JARID2: variants seen among roughly 807,000 people sequenced by gnomAD.
JARID2 encodes jumonji and AT-rich interaction domain containing 2, also known as protein Jumonji.
Under a neutral mutation model 125.6 loss-of-function variants are expected in JARID2, and 21 were observed. The observed-to-expected ratio is 0.17, with a 90% CI of 0.12 to 0.24. The LOEUF (loss-of-function observed/expected upper bound fraction) is 0.24, where lower values mean the gene tolerates loss of function less well. Among genes scored for constraint, JARID2 ranks in the 10% least tolerant of loss-of-function variants. The probability of loss-of-function intolerance (pLI) is 1.00; values close to 1 mark genes in which losing one functional copy is unlikely to be tolerated. For missense variants in JARID2, 1,303 were observed against 1,639.6 expected (o/e 0.79, Z 3.55); for synonymous variants, 736 against 661.6 (o/e 1.11, Z -1.73).
intron 2 of JARID2, among the ~76,000 whole-genome samples, chr6:15,387,009 C>T (rs963586037): frequency 3.3e-5 from 5 of 152,230 alleles, no homozygotes; most frequent in African/African-American, 1.2e-4. Flanking sequence ...GCACATTAGC[C>T]ACCACTGTTT....
chr6:15,488,678 C>G lies in JARID2; in HGVS notation c.906+1136C>G, dbSNP rs144894627. Among the ~76,000 whole-genome samples the G allele has an allele frequency of 2.7e-3, 417 of 152,258 alleles. 2 individuals carry two copies. The highest frequency in any genetic ancestry group is 9.7e-3 in the African/African-American group (401 of 41,536). ...TTTCTCTCTGAACGTGAACATGTGA[C>G]TATAGTCACACATAGGCAGACAGGT... On this transcript the variant is annotated intron_variant, in intron 6 of 17. Coordinates refer to ENST00000341776, the MANE Select transcript of JARID2 (RefSeq NM_004973.4).
intron 4 of JARID2, among the ~76,000 whole-genome samples, chr6:15,459,449 A>G (rs112035134): frequency 2.1e-5 from 3 of 144,152 alleles, no homozygotes; most frequent in African/African-American, 7.3e-5. Context: ...GTATGTGTTC[A>G]GTAGAGATGC....
intron 1 of JARID2, among the ~76,000 whole-genome samples, chr6:15,335,307 C>T (rs1262613489): frequency 6.6e-6 from 1 of 151,910 alleles, no homozygotes; most frequent in Non-Finnish European, 1.5e-5. Flanking sequence ...ACCGTGTTGG[C>T]CAGGCTGGTC....
chr6:15,370,791 G>T (rs1764139255), intron 1 of JARID2, among the ~76,000 whole-genome samples: 2 of 152,162 alleles, frequency 1.3e-5, no homozygotes, highest in South Asian at 4.1e-4. Flanking sequence ...GCACACCTTT[G>T]CTGTCTGCAT....
intron 3 of JARID2, among the ~76,000 whole-genome samples, chr6:15,418,216 CTTTTTTTT>C (rs56801667): frequency 1.7e-5 from 2 of 117,798 alleles, no homozygotes; most frequent in African/African-American, 3.3e-5. Context: ...CTATATTCCT[CTTTTTTTT>C]TTTTTTTTTT....
chr6:15,428,781 G>A (rs542128680), intron 3 of JARID2, among the ~76,000 whole-genome samples: 9 of 151,906 alleles, frequency 5.9e-5, no homozygotes, highest in African/African-American at 9.7e-5. Flanking sequence ...TGGCACACAC[G>A]TGTAATCCCA....
chr6:15,362,091 T>TG (rs1195881561), intron 1 of JARID2, among the ~76,000 whole-genome samples: 3 of 151,950 alleles, frequency 2.0e-5, no homozygotes, highest in Non-Finnish European at 2.9e-5. Flanking sequence ...TCCGCCATGT[T>TG]GGTCAGGCTG....
intron 9 of JARID2, among the ~76,000 whole-genome samples, chr6:15,505,632 C>T (rs1371157070): frequency 6.6e-6 from 1 of 152,242 alleles, no homozygotes; most frequent in Non-Finnish European, 1.5e-5. Context: ...CCTTTCACGC[C>T]ATTTTCATCG....
At chr6:15,393,730 G>A (rs1157287360) in intron 2 of JARID2, among the ~76,000 whole-genome samples, 2 of 152,176 alleles carry the variant, frequency 1.3e-5, no homozygotes, top group Non-Finnish European at 2.9e-5. Flanking sequence ...GTGATTACTG[G>A]TATATTGGGA....
At chr6:15,333,179 G>A (rs1412993572) in intron 1 of JARID2, among the ~76,000 whole-genome samples, 1 of 151,906 alleles carries the variant, frequency 6.6e-6, no homozygotes, top group Admixed American at 6.6e-5. Flanking sequence ...TGATCCACCC[G>A]CCTCGGCCTC....
intron 1 of JARID2, among the ~76,000 whole-genome samples, chr6:15,289,782 G>C (rs539693699): frequency 1.3e-5 from 2 of 152,286 alleles, no homozygotes; most frequent in African/African-American, 4.8e-5. Flanking sequence ...GGAGGCGGAG[G>C]TTGCAGTAAG....
At chr6:15,377,436 G>GGT (rs1235777113) in intron 2 of JARID2, among the ~76,000 whole-genome samples, 1 of 152,142 alleles carries the variant, frequency 6.6e-6, no homozygotes, top group African/African-American at 2.4e-5. Context: ...TTGAGATTTG[G>GGT]GTGGGGACAC....
intron 1 of JARID2, among the ~76,000 whole-genome samples, chr6:15,368,298 G>A (rs1451609934): frequency 6.6e-6 from 1 of 152,050 alleles, no homozygotes; most frequent in Non-Finnish European, 1.5e-5. Context: ...AAATAAAATT[G>A]TATCACTGGG....
At chr6:15,500,418 T>C (rs546710802) in intron 7 of JARID2, among the ~76,000 whole-genome samples, 1 of 152,238 alleles carries the variant, frequency 6.6e-6, no homozygotes, top group South Asian at 2.1e-4. Context: ...TTGGGAATTA[T>C]AGAAGGGGAA....
intron 3 of JARID2, among the ~76,000 whole-genome samples, chr6:15,422,276 A>G (rs746656861): frequency 6.6e-6 from 1 of 152,192 alleles, no homozygotes; most frequent in Non-Finnish European, 1.5e-5. Flanking sequence ...CTTTTCCTGC[A>G]GTGAGCTGGA....
At chr6:15,367,784 C>G (rs1250096442) in intron 1 of JARID2, among the ~76,000 whole-genome samples, 1 of 152,208 alleles carries the variant, frequency 6.6e-6, no homozygotes, top group Non-Finnish European at 1.5e-5. Context: ...GTGCTGAGCT[C>G]ACTGCCCAAC....
chr6:15,357,082 C>T (rs1182229109), intron 1 of JARID2, among the ~76,000 whole-genome samples: 1 of 152,184 alleles, frequency 6.6e-6, no homozygotes, highest in Non-Finnish European at 1.5e-5. Flanking sequence ...GTTCTAAGTA[C>T]CTTTTGCTCA....
Position 15,501,175 on chromosome 6 carries a change from AG to A in JARID2, c.2216del (p.Gly739AlafsTer44). On this transcript the variant is annotated frameshift_variant, in exon 8 of 18. Transcript: ENST00000341776. LOFTEE classifies it high-confidence loss of function. ...ILEKRKGPLE[G>X]HTENDHHKFH... ...TGGAGAAGCGCAAGGGGCCGCTGGA[AG>A]GCCACACAGAGAACGACCACCACAA... is the stretch of plus-strand genomic sequence containing the variant. 1 of 1,614,104 alleles carries A rather than the reference AG, an allele frequency of 6.2e-7. No individual in the cohort carries two copies. Among genetic ancestry groups the A allele is most frequent in the Non-Finnish European group, 8.5e-7 (1 of 1,180,018 alleles).
chr6:15,374,957 G>T (rs1299689976), intron 2 of JARID2, among the ~76,000 whole-genome samples: 2 of 152,208 alleles, frequency 1.3e-5, no homozygotes, highest in Admixed American at 6.5e-5. Context: ...TACAGTTAAA[G>T]TGAATGAATT....
Sources: gnomAD v4.1 joint callset for allele counts (sites outside exome capture counted in the v4.1 genomes callset) on GRCh38, gnomAD v4.1.1 for gene constraint, MANE v1.5 for transcripts, NCBI Gene and HGNC (gene_info 2026-07-23, HGNC 2026-07-21) for gene names.